CSDE1: variants seen among roughly 807,000 people sequenced by gnomAD.
CSDE1 encodes cold shock domain-containing protein E1.
In CSDE1, 17 loss-of-function variants were observed where a neutral mutation model predicts 89.3. That is an observed-to-expected ratio of 0.19 (90% CI 0.13 to 0.29). The LOEUF (loss-of-function observed/expected upper bound fraction) is 0.29, where lower values mean the gene tolerates loss of function less well. Among genes scored for constraint, CSDE1 ranks in the 10% least tolerant of loss-of-function variants. CSDE1 has a pLI of 1.00. For missense variants in CSDE1, 672 were observed against 984.2 expected, an observed-to-expected ratio of 0.68 and a Z score of 4.24; for synonymous variants, 322 against 332.8, an observed-to-expected ratio of 0.97 and a Z score of 0.35.
chr1:114,739,282 C>T (rs1168009061), intron 3 of CSDE1, among the ~76,000 whole-genome samples: 1 of 151,968 alleles, frequency 6.6e-6, no homozygotes, highest in Non-Finnish European at 1.5e-5. Context: ...CTGCCCGCCT[C>T]GGCCTCCCAA....
chr1:114,733,511 C>T (rs12739115), intron 9 of CSDE1, among the ~76,000 whole-genome samples: 26 of 140,444 alleles, frequency 1.9e-4, no homozygotes, highest in Non-Finnish European at 2.1e-4. Context: ...GGCGACAGAG[C>T]GAGACTCTGT....
chr1:114,733,117 G>C (rs1346414986), intron 9 of CSDE1, among the ~76,000 whole-genome samples: 1 of 152,174 alleles, frequency 6.6e-6, no homozygotes, highest in African/African-American at 2.4e-5. Context: ...TGGAGGGGTA[G>C]GGCAGGGGCA....
intron 9 of CSDE1, among the ~76,000 whole-genome samples, 182 bp downstream of exon 9, chr1:114,733,549 AC>A (rs373137360): frequency 1.3e-4 from 20 of 149,406 alleles, no homozygotes; most frequent in African/African-American, 3.7e-4. Flanking sequence ...AAAAAAAAAA[AC>A]ACCATATTTA....
In CSDE1 at chr1:114,730,316, T is replaced by C; in HGVS notation, c.1298A>G (p.Glu433Gly). 6.2e-7 allele frequency: 1 copy of C among 1,614,204 alleles called. No homozygotes were observed. The highest frequency in any genetic ancestry group is 1.1e-5 in the South Asian group (1 of 91,082). Residue 433 changes from glutamate (E) to glycine (G), a missense_variant, in exon 12 of 20, where the codon GAA becomes GGA. Physicochemically the swap from Glu to Gly is moderately conservative, Grantham distance 98 (BLOSUM62 -2). Transcript: ENST00000358528. ...AGGATTGGAAAAAGTGGCTTCTTTT[T>C]CTACCGTGCCCAGAAAACGGTGATC... ...HSDHRFLGTV[E>G]KEATFSNPKT...
chr1:114,731,465 G>GTTCT (rs1370760023), intron 10 of CSDE1, among the ~76,000 whole-genome samples: 1 of 149,232 alleles, frequency 6.7e-6, no homozygotes, highest in Non-Finnish European at 1.5e-5. Context: ...AATACAACCA[G>GTTCT]TTCTTCAAAG....
rs775942303 is a variant in CSDE1, at chr1:114,730,538, A to C, written c.1161T>G (p.Ile387Met). The C allele has an allele frequency of 8.5e-5, 138 of 1,614,038 alleles. 1 individual carries two copies. The East Asian group carries it at 3.0e-3, about 35-fold the overall frequency. ...SEILDGNQLHIADEVEFTVVP... is the reference protein window; with the variant it reads ...SEILDGNQLHMADEVEFTVVP... ...CCACAGTAAACTCTACTTCATCTGC[A>C]ATATGGAGCTGGTTCCCATCCAGAA... The change falls in exon 11 of 20, where the codon ATT (isoleucine) becomes ATG (methionine). Residue 387 changes from isoleucine to methionine, a missense_variant. By Grantham distance (10) the Ile-to-Met change is conservative. Around this residue, in one of 8 missense-constraint regions of CSDE1, gnomAD observed 169 missense variants for 262.9 expected, o/e 0.64. Coordinates refer to ENST00000358528, the MANE Select transcript of CSDE1 (RefSeq NM_001007553.3).
At chr1:114,722,980 T>G (rs751034450) in intron 16 of CSDE1, among the ~76,000 whole-genome samples, 2 of 152,220 alleles carry the variant, frequency 1.3e-5, no homozygotes, top group Non-Finnish European at 2.9e-5. Flanking sequence ...TTTATTCTCT[T>G]TGTAAACCAA....
chr1:114,734,190 A>G (rs1660266248), intron 7 of CSDE1, 73 bp from the exon 8 acceptor site: 3 of 1,508,694 alleles, frequency 2.0e-6, no homozygotes, highest in East Asian at 4.6e-5. Context: ...TAAAACCAGT[A>G]ATTTTTGTAA....
chr1:114,742,737 C>T (rs893913909), intron 2 of CSDE1, among the ~76,000 whole-genome samples: 2 of 152,110 alleles, frequency 1.3e-5, no homozygotes, highest in Non-Finnish European at 2.9e-5. Context: ...AACCATCTAA[C>T]GAGATATGGT....
intron 1 of CSDE1, among the ~76,000 whole-genome samples, chr1:114,752,621 C>A (rs554826990): frequency 6.6e-6 from 1 of 152,176 alleles, no homozygotes; most frequent in Non-Finnish European, 1.5e-5. Flanking sequence ...AAACACAACT[C>A]TTGGGAGATT....
At chr1:114,755,028 G>A (rs1661515091) in intron 1 of CSDE1, among the ~76,000 whole-genome samples, 1 of 152,112 alleles carries the variant, frequency 6.6e-6, no homozygotes, top group South Asian at 2.1e-4. Context: ...GAAACAGAAG[G>A]AATTTTAATT....
chr1:114,730,500 C>A lies in CSDE1; in HGVS notation c.1191+8G>T. ...AACACCTCCCAACTTTTCTCAGAAA[C>A]AACTCACAGGAACCACAGTAAACTC... On this transcript the variant is annotated splice_region_variant and intron_variant, in intron 11 of 19. Transcript: ENST00000358528. 1 of 1,613,138 alleles carries A rather than the reference C, an allele frequency of 6.2e-7. No homozygotes were observed.
chr1:114,756,533 T>C (rs2101103980), intron 1 of CSDE1, among the ~76,000 whole-genome samples: 1 of 152,288 alleles, frequency 6.6e-6, no homozygotes, highest in Admixed American at 6.5e-5. Context: ...TACTCAGCAT[T>C]TTAGTATAGA....
intron 6 of CSDE1, 50 bp from the exon 7 acceptor site, chr1:114,734,573 T>A: frequency 6.9e-7 from 1 of 1,440,372 alleles, no homozygotes; most frequent in Non-Finnish European, 9.7e-7. Flanking sequence ...GGATTAAAAA[T>A]GTATTGGCCT....
intron 4 of CSDE1, 139 bp from the exon 5 acceptor site, chr1:114,737,702 C>T: frequency 1.4e-6 from 1 of 728,044 alleles, no homozygotes; most frequent in Non-Finnish European, 2.3e-6. Flanking sequence ...TGTCATGCTG[C>T]CAAGTTTCAA....
At chr1:114,752,908 T>TCA (rs903993279) in intron 1 of CSDE1, among the ~76,000 whole-genome samples, 2 of 152,224 alleles carry the variant, frequency 1.3e-5, no homozygotes, top group African/African-American at 4.8e-5. Flanking sequence ...AATTTCTTTA[T>TCA]CACAGCCTCC....
chr1:114,723,923 T>A lies in CSDE1; in HGVS notation c.1833A>T (p.Thr611=). ...VIRPLRSVDP[T]QTEYQGMIEI... Reference sequence around the variant, plus strand: ...CAATCATTCCTTGGTACTCAGTCTGTGTTGGATCAACACTCCTCAGGGGGC... The same window carrying A: ...CAATCATTCCTTGGTACTCAGTCTGAGTTGGATCAACACTCCTCAGGGGGC... Residue 611 remains threonine (T), a synonymous_variant, in exon 16 of 20, where the codon ACA becomes ACT. Transcript: ENST00000358528. 6.2e-7 allele frequency: 1 copy of A among 1,614,100 alleles called. No homozygotes were observed. The highest frequency in any genetic ancestry group is 8.5e-7 in the Non-Finnish European group (1 of 1,179,956).
rs1054581411 is a variant in CSDE1, at chr1:114,717,247, G to A, written c.*922C>T. 2 of 152,410 alleles carry A rather than the reference G, an allele frequency of 1.3e-5. No homozygotes were observed. Among genetic ancestry groups the A allele is most frequent in the Admixed American group, 6.6e-5 (1 of 15,266 alleles). 9.4% of individuals were successfully genotyped at this position (152,410 alleles called of 1,614,324 possible). A position where few individuals can be genotyped will look rare whatever the true frequency, so the allele number is the denominator to read the frequency against. On this transcript the variant is annotated 3_prime_UTR_variant, in exon 20 of 20. Transcript: ENST00000358528. ...AAGGGTCAAGTGTCTGTATTTTACA[G>A]GACACAGTAACCAGGCGGCTACTTA...
intron 3 of CSDE1, among the ~76,000 whole-genome samples, chr1:114,738,661 CTTTTTTTTTTTTTTT>C (rs752985259): frequency 6.2e-5 from 5 of 80,042 alleles, no homozygotes; most frequent in East Asian, 6.4e-4. Context: ...CATGTAAAAA[CTTTTTTTTTTTTTTT>C]TTTTTTTTTT....
Sources: gnomAD v4.1 joint callset for allele counts (sites outside exome capture counted in the v4.1 genomes callset) on GRCh38, gnomAD v4.1.1 for gene constraint, gnomAD v4.1.1 regional missense constraint, MANE v1.5 for transcripts, NCBI Gene and HGNC (gene_info 2026-07-23, HGNC 2026-07-21) for gene names.